ATRNL1: variants seen among roughly 807,000 people sequenced by gnomAD.
ATRNL1 encodes the protein attractin-like protein 1.
A neutral mutation model predicts 182.7 loss-of-function variants in ATRNL1; 95 were observed. The observed-to-expected ratio is 0.52, with a 90% confidence interval of 0.44 to 0.62. ATRNL1 has a LOEUF of 0.62. ATRNL1 is among the 20% of genes least tolerant of loss of function. The pLI is 0.00. For synonymous variants in ATRNL1, 576 were observed against 568.3 expected (o/e 1.01, Z -0.19); for missense variants, 1,471 against 1,679.5 (o/e 0.88, Z 2.17).
chr10:115,910,131 C>T (rs1419058759), intron 28 of ATRNL1, among the ~76,000 whole-genome samples: 2 of 151,822 alleles, frequency 1.3e-5, no homozygotes, highest in Non-Finnish European at 2.9e-5. Context: ...CTGAAACCAA[C>T]CTGAGAAGGG....
chr10:115,292,058 T>C (rs1444269462), intron 15 of ATRNL1, among the ~76,000 whole-genome samples: 1 of 152,004 alleles, frequency 6.6e-6, no homozygotes, highest in Non-Finnish European at 1.5e-5. Flanking sequence ...TATTTTCAAC[T>C]TTTCTATTTC....
intron 8 of ATRNL1, among the ~76,000 whole-genome samples, chr10:115,187,407 G>T (rs1177921813): frequency 1.3e-5 from 2 of 152,062 alleles, no homozygotes; most frequent in Non-Finnish European, 2.9e-5. Context: ...CTGAAAAATT[G>T]TTCCAGATTA....
In ATRNL1 at chr10:115,171,023, A is replaced by C; in HGVS notation, c.1093-14A>C. 1 of 1,454,998 alleles carries C rather than the reference A, an allele frequency of 6.9e-7. No individual in the cohort carries two copies. Among genetic ancestry groups the C allele is most frequent in the South Asian group, 1.5e-5 (1 of 68,386 alleles). 90.1% of individuals were successfully genotyped at this position (1,454,998 alleles called of 1,614,324 possible). A position where few individuals can be genotyped will look rare whatever the true frequency, so the allele number is the denominator to read the frequency against. On this transcript the variant is annotated splice_polypyrimidine_tract_variant and intron_variant, in intron 7 of 28. Transcript: ENST00000355044. ...CATTATTTTATCTATTAATATATGT[A>C]TTTTAATTTACAGGAAAACATCTTT...
At chr10:115,233,582 G>A (rs1554900569) in intron 9 of ATRNL1, among the ~76,000 whole-genome samples, 1 of 152,010 alleles carries the variant, frequency 6.6e-6, no homozygotes, top group South Asian at 2.1e-4. Context: ...GTGATAACAG[G>A]CATCTATTTT....
intron 26 of ATRNL1, among the ~76,000 whole-genome samples, chr10:115,725,356 G>A (rs1053776217): frequency 2.6e-5 from 4 of 152,026 alleles, no homozygotes; most frequent in African/African-American, 4.8e-5. Context: ...TTTTGTCAAC[G>A]ATTGTGAGTT....
At chr10:115,853,891 A>G (rs1207918605) in intron 28 of ATRNL1, among the ~76,000 whole-genome samples, 1 of 152,230 alleles carries the variant, frequency 6.6e-6, no homozygotes, top group Non-Finnish European at 1.5e-5. Flanking sequence ...GTGTCAAAAA[A>G]TATCTGATAT....
chr10:115,830,153 G>T (rs1024267280), intron 27 of ATRNL1, among the ~76,000 whole-genome samples: 6 of 152,206 alleles, frequency 3.9e-5, no homozygotes, highest in African/African-American at 1.4e-4. Flanking sequence ...TTGGTTTGTG[G>T]ATATACAAGT....
Position 115,882,469 on chromosome 10 carries a change from A to ATACTTCATTCACATGTGCTATTTCG in ATRNL1, c.4018+34502_4018+34526dup, listed in dbSNP as rs1367242799. Among the ~76,000 whole-genome samples, 34 of 152,216 alleles carry ATACTTCATTCACATGTGCTATTTCG rather than the reference A, an allele frequency of 2.2e-4. No homozygotes were observed. In the South Asian group the frequency reaches 6.0e-3, roughly 27 times the overall value. On this transcript the variant is annotated intron_variant, in intron 28 of 28. Coordinates refer to ENST00000355044, the MANE Select transcript of ATRNL1 (RefSeq NM_207303.4). ...TTTCCCATAGGTACCCTGTATTTTC[A>ATACTTCATTCACATGTGCTATTTCG]TACTTCATTCACATGTGCTATTTCG...
rs533220579 is a variant in ATRNL1, at chr10:115,550,659, G to T, written c.3795+1123G>T. Among the ~76,000 whole-genome samples the T allele has an allele frequency of 1.2e-3, 189 of 151,848 alleles. 1 individual carries two copies. The highest frequency in any genetic ancestry group is 2.6e-3 in the Admixed American group (40 of 15,244). ...CTGTATGTTAAAAAGTAATCCCATG[G>T]AAAAAGAGCTTATTAAATATAAATA... On this transcript the variant is annotated intron_variant, in intron 26 of 28. Coordinates refer to ENST00000355044, the MANE Select transcript of ATRNL1 (RefSeq NM_207303.4).
At chr10:115,913,778 C>T (rs1297767681) in intron 28 of ATRNL1, among the ~76,000 whole-genome samples, 1 of 152,172 alleles carries the variant, frequency 6.6e-6, no homozygotes, top group Non-Finnish European at 1.5e-5. Flanking sequence ...GGCCCACAGC[C>T]TTTGGGGCTA....
intron 19 of ATRNL1, among the ~76,000 whole-genome samples, chr10:115,369,967 T>C (rs1554947526): frequency 6.6e-6 from 1 of 152,218 alleles, no homozygotes; most frequent in African/African-American, 2.4e-5. Context: ...CCAGGTGTTG[T>C]GGGAGGGATC....
intron 8 of ATRNL1, among the ~76,000 whole-genome samples, chr10:115,208,311 G>T (rs1253685553): frequency 2.0e-5 from 3 of 151,622 alleles, no homozygotes; most frequent in African/African-American, 4.8e-5. Context: ...TTATTTCTGG[G>T]TCTCTTTCTA....
intron 27 of ATRNL1, among the ~76,000 whole-genome samples, chr10:115,831,666 C>A (rs1324936985): frequency 6.6e-6 from 1 of 152,212 alleles, no homozygotes; most frequent in East Asian, 1.9e-4. Flanking sequence ...TGTCCTCAAG[C>A]AAGTCTCTTA....
chr10:115,230,911 GAGAGAGAGAGAA>G (rs1481266964), intron 9 of ATRNL1, among the ~76,000 whole-genome samples: 87 of 112,086 alleles, frequency 7.8e-4, no homozygotes, highest in African/African-American at 2.6e-3. Context: ...GAGAGAGAGA[GAGAGAGAGAGAA>G]AGAGAGAAAT....
chr10:115,526,936 A>T (rs968839148), intron 25 of ATRNL1, among the ~76,000 whole-genome samples: 1 of 152,202 alleles, frequency 6.6e-6, no homozygotes, highest in Admixed American at 6.5e-5. Flanking sequence ...GTTACCCATC[A>T]AAGGAGTCTT....
At chr10:115,577,307 C>G (rs1555005605) in intron 26 of ATRNL1, among the ~76,000 whole-genome samples, 1 of 151,730 alleles carries the variant, frequency 6.6e-6, no homozygotes, top group African/African-American at 2.4e-5. Flanking sequence ...ATCTGCAGAG[C>G]TCTTTGGGTA....
At chr10:115,166,329 C>T (rs1483527508) in intron 7 of ATRNL1, among the ~76,000 whole-genome samples, 2 of 151,980 alleles carry the variant, frequency 1.3e-5, no homozygotes, top group Admixed American at 6.6e-5. Context: ...AGATAGCTTC[C>T]ATCTTTTGGC....
intron 8 of ATRNL1, among the ~76,000 whole-genome samples, chr10:115,189,823 G>C (rs1848100768): frequency 1.3e-5 from 2 of 152,006 alleles, no homozygotes; most frequent in Admixed American, 6.6e-5. Flanking sequence ...TAATGTCCTA[G>C]GCCTTCACAT....
chr10:115,267,676 ATTTG>A (rs1339328834), intron 12 of ATRNL1, among the ~76,000 whole-genome samples: 2 of 152,158 alleles, frequency 1.3e-5, no homozygotes, highest in Non-Finnish European at 2.9e-5. Flanking sequence ...GATAAACAGT[ATTTG>A]TTATGATGTT....
Sources: allele counts gnomAD v4.1 joint callset (sites outside exome capture counted in the v4.1 genomes callset), GRCh38; gene constraint gnomAD v4.1.1; transcripts MANE v1.5; gene names NCBI Gene and HGNC (gene_info 2026-07-23, HGNC 2026-07-21).